Variants in CFAP47 observed in about 807,000 individuals in gnomAD.
The protein encoded by CFAP47 is cilia- and flagella-associated protein 47.
In CFAP47, 29 loss-of-function variants were observed where a neutral mutation model predicts 148.1. The observed-to-expected ratio is 0.20, with a 90% CI of 0.15 to 0.27. The LOEUF (loss-of-function observed/expected upper bound fraction) is 0.27, where lower values mean the gene tolerates loss of function less well. CFAP47 is among the 10% of genes least tolerant of loss of function. CFAP47 has a pLI of 1.00. For missense variants in CFAP47, 1,872 were observed against 1,697.5 expected, an observed-to-expected ratio of 1.10 and a Z score of -1.81; for synonymous variants, 664 against 577.3, an observed-to-expected ratio of 1.15 and a Z score of -2.15.
At chrX:36,002,653 A>G (rs1477552218) in intron 21 of CFAP47, among the ~76,000 whole-genome samples, 1 of 111,797 alleles carries the variant, frequency 8.9e-6, no homozygotes, top group Non-Finnish European at 1.9e-5. Flanking sequence ...AGCAAGAATC[A>G]AACTTCTATG....
rs185042852 is a variant in CFAP47, at chrX:36,167,369, T to A, written c.6026+6600T>A. Among the ~76,000 whole-genome samples, 465 of 111,614 alleles carry A rather than the reference T, an allele frequency of 4.2e-3. 3 individuals are homozygous for A. The highest frequency in any genetic ancestry group is 0.013 in the African/African-American group (408 of 30,729). The stretch of plus-strand genomic sequence containing the variant: ...GTGGGGACAATGGTGCACTTTTTCT[T>A]CAGCAAACCCTCCATTTTAGGAGCT... On this transcript the variant is annotated intron_variant, in intron 39 of 63. Transcript: ENST00000378653.
chrX:36,270,110 C>G lies in CFAP47; in HGVS notation c.7445-10377C>G, dbSNP rs782657988. Among the ~76,000 whole-genome samples, 5 of 111,594 alleles carry G rather than the reference C, an allele frequency of 4.5e-5. No homozygotes were observed. In the South Asian group the frequency reaches 1.9e-3, roughly 41 times the overall value. On this transcript the variant is annotated intron_variant, in intron 49 of 63. Coordinates refer to ENST00000378653, the MANE Select transcript of CFAP47 (RefSeq NM_001304548.2). ...TATGTTTTGGCAATTAAAAATATAG[C>G]TGCTATGAACATTCAAGTATAAGTC...
chrX:36,295,782 G>T (rs1941236675), intron 51 of CFAP47, among the ~76,000 whole-genome samples: 1 of 111,725 alleles, frequency 9.0e-6, no homozygotes, highest in Non-Finnish European at 1.9e-5. Context: ...TGTCATTTAA[G>T]ATTTTTTTCT....
At chrX:36,309,637 C>T (rs903170858) in intron 55 of CFAP47, among the ~76,000 whole-genome samples, 1 of 110,983 alleles carries the variant, frequency 9.0e-6, no homozygotes, top group Non-Finnish European at 1.9e-5. Context: ...GTACTCTATG[C>T]GACTTGAGAA....
rs377601530 is a variant in CFAP47 at position 35,937,104 on chromosome X, G to GTT, written c.402-4151_402-4150dup. ...TCAGATATAGCTGCTTGCAATTGCT[G>GTT]TTTTTTTTTTTTTTTTTTTTTTTTT... On this transcript the variant is annotated intron_variant, in intron 2 of 63. Transcript: ENST00000378653. 8.3e-3 allele frequency among the ~76,000 whole-genome samples: 459 copies of GTT among 55,473 alleles called. 64 individuals carry two copies. Among genetic ancestry groups the GTT allele is most frequent in the African/African-American group, 0.025 (387 of 15,640 alleles). The allele number at this position is 55,473 out of a possible 115,157, so 48.2% of individuals were successfully genotyped here.
chrX:35,934,381 G>A (rs777209573), intron 2 of CFAP47, among the ~76,000 whole-genome samples: 9 of 110,933 alleles, frequency 8.1e-5, no homozygotes, highest in African/African-American at 2.6e-4. Flanking sequence ...TACTACTGAT[G>A]TTCTCTTAAG....
chrX:36,299,109 A>G lies in CFAP47; in HGVS notation c.7819A>G (p.Ile2607Val). ...ILSPLQCTKY[I>V]VWYSPATTGY... ...GAGTCCACTACAGTGCACCAAATATATTGTATGGTATTCTCCAGCAACTAC... is the reference window on the plus strand; with the variant it reads ...GAGTCCACTACAGTGCACCAAATATGTTGTATGGTATTCTCCAGCAACTAC... Residue 2607 changes from isoleucine (I) to valine (V), a missense_variant, in exon 52 of 64, where the codon ATT becomes GTT. Physicochemically the swap from Ile to Val is conservative, Grantham distance 29. Transcript: ENST00000378653. 2.7e-6 allele frequency: 3 copies of G among 1,093,435 alleles called. No homozygotes were observed. Among genetic ancestry groups the G allele is most frequent in the Non-Finnish European group, 3.6e-6 (3 of 824,447 alleles). 90.1% of individuals were successfully genotyped at this position (1,093,435 alleles called of 1,213,427 possible). A position where few individuals can be genotyped will look rare whatever the true frequency, so the allele number is the denominator to read the frequency against.
At chrX:36,383,185 G>A (rs782003855) in intron 63 of CFAP47, among the ~76,000 whole-genome samples, 72 of 111,641 alleles carry the variant, frequency 6.4e-4, no homozygotes, top group African/African-American at 2.3e-3. Context: ...AATCTTAATT[G>A]AATTTCAATA....
At chrX:36,344,135 A>G in intron 57 of CFAP47, among the ~76,000 whole-genome samples, 1 of 109,101 alleles carries the variant, frequency 9.2e-6, no homozygotes, top group East Asian at 2.9e-4. Flanking sequence ...AGGCTAGATG[A>G]CAAGTTAGTG....
At chrX:35,982,296 G>C (rs1936656676) in intron 15 of CFAP47, among the ~76,000 whole-genome samples, 1 of 111,485 alleles carries the variant, frequency 9.0e-6, no homozygotes, top group African/African-American at 3.3e-5. Context: ...ATGCTTGTTG[G>C]CTGCATGAAT....
chrX:35,954,116 A>G (rs1936209241), intron 7 of CFAP47, among the ~76,000 whole-genome samples: 1 of 111,710 alleles, frequency 9.0e-6, no homozygotes, highest in Non-Finnish European at 1.9e-5. Context: ...AAATAGGAAC[A>G]GTAAAAAACA....
At chrX:36,323,654 A>C (rs903781510) in intron 57 of CFAP47, among the ~76,000 whole-genome samples, 1 of 111,563 alleles carries the variant, frequency 9.0e-6, no homozygotes, top group Admixed American at 9.5e-5. Flanking sequence ...CATCCCAGTC[A>C]ATCTGACTTT....
intron 50 of CFAP47, among the ~76,000 whole-genome samples, chrX:36,282,172 G>A (rs1167333394): frequency 1.8e-5 from 2 of 110,201 alleles, no homozygotes; most frequent in African/African-American, 6.6e-5. Flanking sequence ...AATCTTTGTA[G>A]CTGAAACTAG....
At chrX:35,972,011 A>G in intron 13 of CFAP47, 46 bp downstream of exon 13, 1 of 811,973 alleles carries the variant, frequency 1.2e-6, no homozygotes, top group Non-Finnish European at 1.8e-6. Flanking sequence ...TTTTTATAAA[A>G]AAAAGATTTC....
intron 61 of CFAP47, among the ~76,000 whole-genome samples, chrX:36,362,667 T>A (rs1556019492): frequency 8.9e-6 from 1 of 112,051 alleles, no homozygotes; most frequent in East Asian, 2.8e-4. Context: ...CTTTTTGATA[T>A]AATGATCTAT....
chrX:36,169,143 C>T (rs1297534691), intron 39 of CFAP47, among the ~76,000 whole-genome samples: 1 of 110,708 alleles, frequency 9.0e-6, no homozygotes, highest in Non-Finnish European at 1.9e-5. Flanking sequence ...AGCTGTTAAT[C>T]ATATTAAGGA....
At chrX:36,057,076 C>G (rs1438982304) in intron 26 of CFAP47, among the ~76,000 whole-genome samples, 1 of 111,840 alleles carries the variant, frequency 8.9e-6, no homozygotes, top group Non-Finnish European at 1.9e-5. Context: ...ATGTAGGATC[C>G]CCACTGATGT....
intron 45 of CFAP47, among the ~76,000 whole-genome samples, chrX:36,219,922 G>A (rs1193064202): frequency 9.0e-6 from 1 of 111,187 alleles, no homozygotes; most frequent in Non-Finnish European, 1.9e-5. Flanking sequence ...GTCACATCAC[G>A]GGTGTGCATC....
intron 56 of CFAP47, among the ~76,000 whole-genome samples, chrX:36,317,946 G>C (rs1299367446): frequency 1.8e-5 from 2 of 111,374 alleles, no homozygotes; most frequent in Non-Finnish European, 3.8e-5. Flanking sequence ...TTTGGAACTT[G>C]TTTTATCTGA....
Sources: allele counts gnomAD v4.1 joint callset (sites outside exome capture counted in the v4.1 genomes callset), GRCh38; gene constraint gnomAD v4.1.1; transcripts MANE v1.5; gene names NCBI Gene and HGNC (gene_info 2026-07-23, HGNC 2026-07-21).